The following OPRM1 variants were observed in gnomAD, a reference collection of about 807,000 sequenced individuals.
OPRM1 encodes the protein opioid receptor mu 1.
In OPRM1, 27 loss-of-function variants were observed where a neutral mutation model predicts 31.8. That is an observed-to-expected ratio of 0.85 (90% confidence interval 0.63 to 1.17). The LOEUF is 1.17. Among genes scored for constraint, OPRM1 ranks in the 50% most tolerant of loss-of-function variants. The pLI is 0.00. For missense variants in OPRM1, 536 were observed against 511.1 expected, an observed-to-expected ratio of 1.05 and a Z score of -0.47; for synonymous variants, 196 against 189.9, an observed-to-expected ratio of 1.03 and a Z score of -0.26.
At position 154,187,554 on chromosome 6, in the gene OPRM1, G is replaced by A. The variant is rs149717363; in HGVS notation, c.1165-59139G>A. On this transcript the variant is annotated intron_variant, in intron 3 of 3. Coordinates refer to the OPRM1 transcript ENST00000337049. ...GTTTCTAGCATTAGGTGGGTGACCT[G>A]TACTACCTCACCAGTAGTTATTGAA... is the stretch of plus-strand genomic sequence containing the variant. 6.5e-3 allele frequency among the ~76,000 whole-genome samples: 984 copies of A among 152,314 alleles called. 6 individuals are homozygous for A. Among genetic ancestry groups the A allele is most frequent in the African/African-American group, 0.023 (944 of 41,554 alleles).
At chr6:154,147,466 TC>T (rs1402561833) in intron 3 of OPRM1, among the ~76,000 whole-genome samples, 1 of 152,186 alleles carries the variant, frequency 6.6e-6, no homozygotes, top group African/African-American at 2.4e-5. Flanking sequence ...CTGTTTGGTG[TC>T]CCAGGCCTTC....
At chr6:154,195,533 T>C (rs554504385) in intron 3 of OPRM1, among the ~76,000 whole-genome samples, 30 of 152,256 alleles carry the variant, frequency 2.0e-4, no homozygotes, top group Non-Finnish European at 4.0e-4. Context: ...AAGGAACACC[T>C]ATCCCAGTAT....
intron 1 of OPRM1, among the ~76,000 whole-genome samples, chr6:154,040,134 C>G (rs184110512): frequency 1.3e-3 from 194 of 152,196 alleles, no homozygotes; most frequent in African/African-American, 4.6e-3. Context: ...AGACTTGGAG[C>G]GCTTCCTTAT....
At chr6:154,230,118 T>A (rs1779607239) in intron 3 of OPRM1, among the ~76,000 whole-genome samples, 1 of 152,210 alleles carries the variant, frequency 6.6e-6, no homozygotes, top group South Asian at 2.1e-4. Flanking sequence ...ACCAATTATT[T>A]AAAACTGATT....
At chr6:154,163,561 G>A (rs573706392) in intron 3 of OPRM1, among the ~76,000 whole-genome samples, 24 of 152,172 alleles carry the variant, frequency 1.6e-4, no homozygotes, top group African/African-American at 5.3e-4. Flanking sequence ...ATAAGCTTCC[G>A]GAAGGCAGGC....
At chr6:154,135,484 G>GAT (rs1554283097), downstream of OPRM1, among the ~76,000 whole-genome samples, 9 of 144,366 alleles carry the variant, frequency 6.2e-5, no homozygotes, top group Admixed American at 6.9e-5. Flanking sequence ...AAAATATATA[G>GAT]ATAGATATAG....
chr6:154,034,548 AAAAT>A (rs1047382380), upstream of OPRM1, among the ~76,000 whole-genome samples: 3 of 152,192 alleles, frequency 2.0e-5, no homozygotes, highest in Admixed American at 2.0e-4. Context: ...ACTCTGTTTT[AAAAT>A]AAATAAATAA....
intron 3 of OPRM1, among the ~76,000 whole-genome samples, chr6:154,233,765 C>A (rs1476783459): frequency 6.6e-6 from 1 of 152,184 alleles, no homozygotes; most frequent in Admixed American, 6.5e-5. Flanking sequence ...GGCACACTGG[C>A]AAGACTTCCT....
Position 154,119,537 on chromosome 6 carries a change from C to A in OPRM1, c.*816C>A. ...ATAGTCAATGAGCTCATCACTTCAT[C>A]CATGCAGGAAGTCAAGCATTAAAAT... On this transcript the variant is annotated 3_prime_UTR_variant, in exon 4 of 4. Coordinates refer to ENST00000330432, the MANE Select transcript of OPRM1 (RefSeq NM_000914.5). The A allele has an allele frequency of 1.6e-6, 1 of 634,468 alleles. No homozygotes were observed. Among genetic ancestry groups the A allele is most frequent in the Non-Finnish European group, 2.0e-6 (1 of 509,606 alleles). 39.3% of individuals were successfully genotyped at this position (634,468 alleles called of 1,614,324 possible).
chr6:154,037,943 TAAGAGAATTGTTACATTAGTTCATGG>T (rs1779415405), upstream of OPRM1, among the ~76,000 whole-genome samples: 1 of 152,156 alleles, frequency 6.6e-6, no homozygotes, highest in Admixed American at 6.5e-5. Flanking sequence ...CAGCTCAATA[TAAGAGAATTGTTACATTAGTTCATGG>T]AAGAATATGT....
At chr6:154,134,415 G>A (rs893787220), downstream of OPRM1, among the ~76,000 whole-genome samples, 7 of 152,100 alleles carry the variant, frequency 4.6e-5, no homozygotes, top group South Asian at 2.1e-4. Context: ...TCTCTGAAAT[G>A]GTTTATGTCT....
At chr6:154,044,743 T>C (rs1780773775) in intron 1 of OPRM1, among the ~76,000 whole-genome samples, 1 of 152,214 alleles carries the variant, frequency 6.6e-6, no homozygotes, top group African/African-American at 2.4e-5. Context: ...ATTCAAATAA[T>C]AAATGCTGAC....
At chr6:154,034,230 G>A (rs542436963), upstream of OPRM1, among the ~76,000 whole-genome samples, 3 of 152,150 alleles carry the variant, frequency 2.0e-5, no homozygotes, top group Non-Finnish European at 2.9e-5. Context: ...CACTTTTTCC[G>A]TGGATCACTA....
intron 3 of OPRM1, among the ~76,000 whole-genome samples, chr6:154,224,201 T>G (rs1190678202): frequency 6.6e-6 from 1 of 152,186 alleles, no homozygotes; most frequent in Admixed American, 6.5e-5. Flanking sequence ...AATCTTAATT[T>G]TACAAGTCAG....
intron 1 of OPRM1, among the ~76,000 whole-genome samples, chr6:154,012,580 G>A (rs1446139378): frequency 1.3e-5 from 2 of 151,962 alleles, no homozygotes; most frequent in East Asian, 1.9e-4. Flanking sequence ...CACAATTGCT[G>A]TTTCTATTAT....
At chr6:154,111,206 G>C (rs1007538764) in intron 3 of OPRM1, among the ~76,000 whole-genome samples, 1 of 152,070 alleles carries the variant, frequency 6.6e-6, no homozygotes, top group Non-Finnish European at 1.5e-5. Flanking sequence ...CTTGGAAGAG[G>C]GGATGAGTTT....
chr6:154,010,674 C>A, exon 1 of OPRM1: 1 of 1,459,900 alleles, frequency 6.8e-7, no homozygotes, highest in Non-Finnish European at 9.1e-7. Context: ...GGAAAGCAAG[C>A]ATGAAAAAGC....
chr6:154,027,340 C>G (rs1026459539), intron 1 of OPRM1, among the ~76,000 whole-genome samples: 4 of 152,194 alleles, frequency 2.6e-5, no homozygotes, highest in Non-Finnish European at 5.9e-5. Context: ...GAGCCTCTCT[C>G]TCTGTTCTGA....
intron 3 of OPRM1, among the ~76,000 whole-genome samples, chr6:154,172,468 C>A (rs1050939644): frequency 1.3e-5 from 2 of 152,182 alleles, no homozygotes; most frequent in African/African-American, 4.8e-5. Flanking sequence ...TCTTCGCAAC[C>A]AGCAGACCAG....
Sources: allele counts gnomAD v4.1 joint callset (sites outside exome capture counted in the v4.1 genomes callset), GRCh38; gene constraint gnomAD v4.1.1; transcripts MANE v1.5; gene names NCBI Gene and HGNC (gene_info 2026-07-23, HGNC 2026-07-21).